SPATA31E1: variants seen among roughly 807,000 people sequenced by gnomAD.
The protein encoded by SPATA31E1 is spermatogenesis-associated protein 31E1.
SPATA31E1 carries 7 observed loss-of-function variants against 12.9 expected under a neutral mutation model. The observed-to-expected ratio is 0.54, with a 90% CI of 0.31 to 1.02. SPATA31E1 has a LOEUF of 1.02. Among genes scored for constraint, SPATA31E1 ranks in the 50% least tolerant of loss-of-function variants. The pLI is 0.05. For synonymous variants in SPATA31E1, 771 were observed against 719.0 expected (o/e 1.07, Z -1.16); for missense variants, 1,961 against 1,799.8 (o/e 1.09, Z -1.62).
At chr9:87,884,201 C>T (rs1456201945) in intron 2 of SPATA31E1, among the ~76,000 whole-genome samples, 155 bp downstream of exon 2, 3 of 152,236 alleles carry the variant, frequency 2.0e-5, no homozygotes, top group Non-Finnish European at 4.4e-5. Flanking sequence ...AGCCACGGGC[C>T]TGGGACCGGT....
rs1828267354 is a variant in SPATA31E1, at chr9:87,886,147, G to A, written c.1660G>A (p.Glu554Lys). Reference protein sequence around the residue: ...GCGASYPTSQERTQSVIPTGK... With the variant: ...GCGASYPTSQKRTQSVIPTGK... ...TGGGGCATCTTACCCTACATCCCAG[G>A]AGAGGACACAGTCTGTCATCCCCAC... Residue 554 changes from glutamate (E) to lysine (K), a missense_variant, in exon 4 of 4, where the codon GAG becomes AAG. Transcript: ENST00000325643. 1 of 1,604,006 alleles carries A rather than the reference G, an allele frequency of 6.2e-7. No individual in the cohort carries two copies. Among genetic ancestry groups the A allele is most frequent in the Non-Finnish European group, 8.5e-7 (1 of 1,173,846 alleles).
rs142446013 is a variant in SPATA31E1 at position 87,887,137 on chromosome 9, C to A, written c.2650C>A (p.Arg884=). 2 of 1,613,970 alleles carry A rather than the reference C, an allele frequency of 1.2e-6. No individual in the cohort carries two copies. The highest frequency in any genetic ancestry group is 1.7e-6 in the Non-Finnish European group (2 of 1,180,036). ...TFTPWASWVS[R]VESVPKVPIF... ...TACCCCCTGGGCCTCCTGGGTATCTCGGGTTGAATCTGTACCCAAGGTTCC... is the reference window on the plus strand; with the variant it reads ...TACCCCCTGGGCCTCCTGGGTATCTAGGGTTGAATCTGTACCCAAGGTTCC... Residue 884 remains arginine (R), a synonymous_variant, in exon 4 of 4, where the codon CGG becomes AGG. Coordinates refer to ENST00000325643, the MANE Select transcript of SPATA31E1 (RefSeq NM_178828.5).
At position 87,888,386 on chromosome 9, in the gene SPATA31E1, G is replaced by A. The variant is rs1432442581; in HGVS notation, c.3899G>A (p.Trp1300Ter). 7 of 1,614,050 alleles carry A rather than the reference G, an allele frequency of 4.3e-6. No individual in the cohort carries two copies. The highest frequency in any genetic ancestry group is 2.7e-5 in the African/African-American group (2 of 74,926). Residue 1300 changes from tryptophan to a stop codon, truncating the protein, a stop_gained, in exon 4 of 4, where the codon TGG becomes TAG. Coordinates refer to ENST00000325643, the MANE Select transcript of SPATA31E1 (RefSeq NM_178828.5). LOFTEE classifies it low-confidence loss of function (END_TRUNC). ...GKPGADAFQS[W>*]GSGPPRQFMD... The stretch of plus-strand genomic sequence containing the variant: ...CCTGGGGCAGATGCTTTCCAGAGCT[G>A]GGGGTCTGGCCCACCAAGGCAGTTT...
At position 87,888,868 on chromosome 9, in the gene SPATA31E1, G is replaced by A; in HGVS notation, c.*43G>A. Reference sequence around the variant, plus strand: ...GCATGTCTCCTGGGGGAGACAGGGGGTTCTACTCAAATAAAACTGATGCCT... The same window carrying A: ...GCATGTCTCCTGGGGGAGACAGGGGATTCTACTCAAATAAAACTGATGCCT... On this transcript the variant is annotated 3_prime_UTR_variant, in exon 4 of 4. Transcript: ENST00000325643. 6.6e-7 allele frequency: 1 copy of A among 1,511,016 alleles called. No homozygotes were observed. The highest frequency in any genetic ancestry group is 8.8e-7 in the Non-Finnish European group (1 of 1,132,790). 93.6% of individuals were successfully genotyped at this position (1,511,016 alleles called of 1,614,324 possible).
chr9:87,885,931 C>A lies in SPATA31E1; in HGVS notation c.1444C>A (p.Pro482Thr). Residue 482 changes from proline (P) to threonine (T), a missense_variant, in exon 4 of 4, where the codon CCT becomes ACT. Coordinates refer to ENST00000325643, the MANE Select transcript of SPATA31E1 (RefSeq NM_178828.5). ...DKASTSLPGE[P>T]EVEASSQLSQ... is the part of the protein sequence containing the mutation. ...AGCCTCCACTTCTCTTCCAGGTGAA[C>A]CTGAGGTTGAGGCATCCTCACAGCT... The A allele has an allele frequency of 6.2e-7, 1 of 1,613,976 alleles. No homozygotes were observed. The highest frequency in any genetic ancestry group is 8.5e-7 in the Non-Finnish European group (1 of 1,180,014).
Position 87,885,635 on chromosome 9 carries a change from G to A in SPATA31E1, c.1148G>A (p.Arg383Lys). The part of the protein sequence containing the change: ...ALMKMWQEKE[R>K]KRADHPHMTS... Reference sequence around the variant, plus strand: ...ATGAAGATGTGGCAGGAGAAAGAAAGAAAACGGGCCGACCACCCGCACATG... The same window carrying A: ...ATGAAGATGTGGCAGGAGAAAGAAAAAAAACGGGCCGACCACCCGCACATG... Residue 383 changes from arginine (R) to lysine (K), a missense_variant, in exon 4 of 4, where the codon AGA becomes AAA. By Grantham distance (26) the Arg-to-Lys change is conservative. Transcript: ENST00000325643. 1.2e-6 allele frequency: 2 copies of A among 1,613,760 alleles called. No individual in the cohort carries two copies. The highest frequency in any genetic ancestry group is 1.7e-5 in the Admixed American group (1 of 60,006).
Position 87,885,676 on chromosome 9 carries a change from G to C in SPATA31E1, c.1189G>C (p.Glu397Gln). The change falls in exon 4 of 4, where the codon GAG becomes CAG. Residue 397 changes from glutamate to glutamine, a missense_variant. Glu to Gln is a conservative substitution (Grantham distance 29). Transcript: ENST00000325643. The part of the protein sequence containing the change: ...DHPHMTSLGK[E>Q]WDITTLNPFW... ...CCCGCACATGACATCACTGGGGAAG[G>C]AGTGGGACATCACGACCCTAAATCC... is the stretch of plus-strand genomic sequence containing the variant. 1 of 1,613,802 alleles carries C rather than the reference G, an allele frequency of 6.2e-7. No homozygotes were observed. The highest frequency in any genetic ancestry group is 8.5e-7 in the Non-Finnish European group (1 of 1,180,022).
chr9:87,885,279 T>C lies in SPATA31E1; in HGVS notation c.792T>C (p.Ala264=). The C allele has an allele frequency of 1.9e-6, 3 of 1,614,020 alleles. No individual in the cohort carries two copies. Among genetic ancestry groups the C allele is most frequent in the Non-Finnish European group, 8.5e-7 (1 of 1,179,962 alleles). Residue 264 remains alanine, a synonymous_variant, in exon 4 of 4, where the codon GCT becomes GCC. Coordinates refer to ENST00000325643, the MANE Select transcript of SPATA31E1 (RefSeq NM_178828.5). ...CACCTCCACCCGACTCCAGCCTGGCTGGACTTCAGTGTGGCTCCACAACAT... is the reference window on the plus strand; with the variant it reads ...CACCTCCACCCGACTCCAGCCTGGCCGGACTTCAGTGTGGCTCCACAACAT... ...SSPPPPDSSL[A]GLQCGSTTCP...
rs145538284 is a variant in SPATA31E1 at position 87,885,694 on chromosome 9, C to G, written c.1207C>G (p.Leu403Val). The part of the protein sequence containing the change: ...SLGKEWDITT[L>V]NPFWNVSTQP... ...GGGGAAGGAGTGGGACATCACGACC[C>G]TAAATCCCTTCTGGAACGTGTCAAC... is the stretch of plus-strand genomic sequence containing the variant. Residue 403 changes from leucine to valine, a missense_variant, in exon 4 of 4, where the codon CTA (leucine) becomes GTA (valine). Physicochemically the swap from Leu to Val is conservative, Grantham distance 32. Coordinates refer to ENST00000325643, the MANE Select transcript of SPATA31E1 (RefSeq NM_178828.5). 2.5e-6 allele frequency: 4 copies of G among 1,613,632 alleles called. No individual in the cohort carries two copies. Among genetic ancestry groups the G allele is most frequent in the African/African-American group, 2.7e-5 (2 of 74,928 alleles).
chr9:87,888,104 C>T lies in SPATA31E1; in HGVS notation c.3617C>T (p.Ala1206Val). The change falls in exon 4 of 4, where the codon GCC becomes GTC. Residue 1206 changes from alanine (A) to valine (V), a missense_variant. Coordinates refer to ENST00000325643, the MANE Select transcript of SPATA31E1 (RefSeq NM_178828.5). Reference protein sequence around the residue: ...KTLGCADKGEAHRRPRTGEQG... With the variant: ...KTLGCADKGEVHRRPRTGEQG... ...CTGGGCTGTGCGGACAAGGGCGAGG[C>T]CCACAGGAGGCCCAGAACAGGGGAG... is the stretch of plus-strand genomic sequence containing the variant. 1 of 1,603,344 alleles carries T rather than the reference C, an allele frequency of 6.2e-7. No homozygotes were observed. Among genetic ancestry groups the T allele is most frequent in the Non-Finnish European group, 8.5e-7 (1 of 1,174,738 alleles).
Position 87,886,000 on chromosome 9 carries a change from C to T in SPATA31E1, c.1513C>T (p.His505Tyr), listed in dbSNP as rs766099083. ...GCCCCACCACATGGCCCAGCCCCAA[C>T]ATTTCACTCCAGCCTGGCCCCAGTC... Reference protein sequence around the residue: ...PQPHHMAQPQHFTPAWPQSQP... With the variant: ...PQPHHMAQPQYFTPAWPQSQP... The change falls in exon 4 of 4, where the codon CAT becomes TAT. Residue 505 changes from histidine (H) to tyrosine (Y), a missense_variant. His to Tyr is a moderately conservative substitution (Grantham distance 83). Transcript: ENST00000325643. The T allele has an allele frequency of 4.3e-6, 7 of 1,612,978 alleles. No individual in the cohort carries two copies. The highest frequency in any genetic ancestry group is 5.9e-6 in the Non-Finnish European group (7 of 1,179,704).
chr9:87,886,490 C>G lies in SPATA31E1; in HGVS notation c.2003C>G (p.Ala668Gly), dbSNP rs754818397. 7 of 1,613,890 alleles carry G rather than the reference C, an allele frequency of 4.3e-6. No individual in the cohort carries two copies. The highest frequency in any genetic ancestry group is 1.7e-5 in the Admixed American group (1 of 60,004). ...GEFPGRPQSQAEDTQQALLPS... is the reference protein window; with the variant it reads ...GEFPGRPQSQGEDTQQALLPS... ...TTCCCAGGGAGGCCCCAGAGTCAGG[C>G]AGAAGACACGCAGCAGGCCCTCTTG... Residue 668 changes from alanine to glycine, a missense_variant, in exon 4 of 4, where the codon GCA (alanine) becomes GGA (glycine). Coordinates refer to ENST00000325643, the MANE Select transcript of SPATA31E1 (RefSeq NM_178828.5).
chr9:87,884,126 T>G, intron 2 of SPATA31E1, 80 bp downstream of exon 2: 1 of 1,504,938 alleles, frequency 6.6e-7, no homozygotes, highest in Admixed American at 2.0e-5. Context: ...TGCAGAGGCC[T>G]GAGAGGGAAG....
At position 87,888,682 on chromosome 9, in the gene SPATA31E1, G is replaced by A. The variant is rs947007795; in HGVS notation, c.4195G>A (p.Asp1399Asn). Reference protein sequence around the residue: ...PVKNRGIRDRDSSWAPPPREP... With the variant: ...PVKNRGIRDRNSSWAPPPREP... Reference sequence around the variant, plus strand: ...CAAAAACAGGGGCATCAGAGACAGAGACAGCAGTTGGGCCCCACCTCCCAG... The same window carrying A: ...CAAAAACAGGGGCATCAGAGACAGAAACAGCAGTTGGGCCCCACCTCCCAG... Residue 1399 changes from aspartate to asparagine, a missense_variant, in exon 4 of 4, where the codon GAC becomes AAC. By Grantham distance (23) the Asp-to-Asn change is conservative (BLOSUM62 1). Coordinates refer to ENST00000325643, the MANE Select transcript of SPATA31E1 (RefSeq NM_178828.5). 1 of 1,613,996 alleles carries A rather than the reference G, an allele frequency of 6.2e-7. No homozygotes were observed. The highest frequency in any genetic ancestry group is 1.1e-5 in the South Asian group (1 of 91,086).
At chr9:87,884,526 A>C in intron 2 of SPATA31E1, 65 bp from the exon 3 acceptor site, 1 of 1,569,368 alleles carries the variant, frequency 6.4e-7, no homozygotes, top group Non-Finnish European at 8.8e-7. Flanking sequence ...AAAGACATCC[A>C]CTCAGCCTCC....
In SPATA31E1 at chr9:87,886,413, C is replaced by T; in HGVS notation, c.1926C>T (p.Gly642=). 6 of 1,613,914 alleles carry T rather than the reference C, an allele frequency of 3.7e-6. No homozygotes were observed. Among genetic ancestry groups the T allele is most frequent in the Non-Finnish European group, 4.2e-6 (5 of 1,179,972 alleles). ...RNAIHQEQSC[G]PPSRLQASGD... ...CCATCCACCAGGAGCAGTCCTGTGG[C>T]CCTCCCAGCAGATTGCAGGCATCTG... is the stretch of plus-strand genomic sequence containing the variant. Residue 642 remains glycine, a synonymous_variant, in exon 4 of 4, where the codon GGC becomes GGT. Coordinates refer to ENST00000325643, the MANE Select transcript of SPATA31E1 (RefSeq NM_178828.5).
rs1349120222 is a variant in SPATA31E1, at chr9:87,886,058, A to C, written c.1571A>C (p.Gln524Pro). The change falls in exon 4 of 4, where the codon CAG becomes CCG. Residue 524 changes from glutamine (Q) to proline (P), a missense_variant. By Grantham distance (76) the Gln-to-Pro change is moderately conservative. Coordinates refer to ENST00000325643, the MANE Select transcript of SPATA31E1 (RefSeq NM_178828.5). ...CCACCTTTGGCTGAGATCCAGACCC[A>C]GGCCCACCTCTCACCCCCTGTCCCA... is the stretch of plus-strand genomic sequence containing the variant. ...QPPPLAEIQT[Q>P]AHLSPPVPSL... The C allele has an allele frequency of 6.2e-7, 1 of 1,612,254 alleles. No individual in the cohort carries two copies. Among genetic ancestry groups the C allele is most frequent in the African/African-American group, 1.3e-5 (1 of 74,810 alleles).
Position 87,888,436 on chromosome 9 carries a change from T to C in SPATA31E1, c.3949T>C (p.Trp1317Arg). 1 of 1,613,846 alleles carries C rather than the reference T, an allele frequency of 6.2e-7. No homozygotes were observed. The highest frequency in any genetic ancestry group is 8.5e-7 in the Non-Finnish European group (1 of 1,180,028). ...QFMDCMADKA[W>R]TISRVVGQIL... ...TATGGACTGCATGGCTGACAAAGCC[T>C]GGACCATCAGCAGAGTTGTGGGACA... Residue 1317 changes from tryptophan (W) to arginine (R), a missense_variant, in exon 4 of 4, where the codon TGG (tryptophan) becomes CGG (arginine). Physicochemically the swap from Trp to Arg is moderately radical, Grantham distance 101. Coordinates refer to ENST00000325643, the MANE Select transcript of SPATA31E1 (RefSeq NM_178828.5).
rs138762446 is a variant in SPATA31E1 at position 87,886,101 on chromosome 9, T to G, written c.1614T>G (p.Ser538=). The part of the protein sequence containing the change: ...SPPVPSLGCS[S]PPQIRGCGAS... Reference sequence around the variant, plus strand: ...CTGTCCCAAGCCTGGGGTGCTCTTCTCCACCCCAGATTAGGGGCTGTGGGG... The same window carrying G: ...CTGTCCCAAGCCTGGGGTGCTCTTCGCCACCCCAGATTAGGGGCTGTGGGG... The change falls in exon 4 of 4, where the codon TCT becomes TCG. Residue 538 remains serine, a synonymous_variant. Coordinates refer to ENST00000325643, the MANE Select transcript of SPATA31E1 (RefSeq NM_178828.5). 211 of 1,605,860 alleles carry G rather than the reference T, an allele frequency of 1.3e-4. 1 individual carries two copies. The African/African-American group carries it at 2.3e-3, about 17-fold the overall frequency.
Sources: allele counts gnomAD v4.1 joint callset (sites outside exome capture counted in the v4.1 genomes callset), GRCh38; gene constraint gnomAD v4.1.1; transcripts MANE v1.5; gene names NCBI Gene and HGNC (gene_info 2026-07-23, HGNC 2026-07-21).